LNX2: variants seen among roughly 807,000 people sequenced by gnomAD.
LNX2 encodes ligand of Numb protein X 2.
A neutral mutation model predicts 66.2 loss-of-function variants in LNX2; 35 were observed. The observed-to-expected ratio is 0.53, with a 90% CI of 0.40 to 0.70. The LOEUF is 0.70. Among genes scored for constraint, LNX2 ranks in the 30% least tolerant of loss-of-function variants. The probability of loss-of-function intolerance (pLI) is 0.00; values close to 1 mark genes in which losing one functional copy is unlikely to be tolerated. For synonymous variants in LNX2, 337 were observed against 315.6 expected (o/e 1.07, Z -0.72); for missense variants, 791 against 850.8 (o/e 0.93, Z 0.87).
intron 1 of LNX2, among the ~76,000 whole-genome samples, chr13:27,589,650 C>A (rs542995648): frequency 1.4e-4 from 22 of 152,014 alleles, no homozygotes; most frequent in Admixed American, 3.3e-4. Context: ...GTGATCAAGG[C>A]AAAAACCAAA....
At chr13:27,562,899 G>T in intron 4 of LNX2, 118 bp from the exon 5 acceptor site, 1 of 978,156 alleles carries the variant, frequency 1.0e-6, no homozygotes, top group Non-Finnish European at 1.5e-6. Flanking sequence ...AGTATGGTGA[G>T]AATGCTATAC....
In LNX2 at chr13:27,548,254, C is replaced by T. The variant is rs1954966061; in HGVS notation, c.*81G>A. ...CCAGCAGTGTCAGCAGCTCCTAAAC[C>T]ACAAACACAATGAAACCAAAGGGTT... On this transcript the variant is annotated 3_prime_UTR_variant, in exon 10 of 10. Coordinates refer to ENST00000316334, the MANE Select transcript of LNX2 (RefSeq NM_153371.4). The T allele has an allele frequency of 6.9e-7, 1 of 1,451,732 alleles. No individual in the cohort carries two copies. 89.9% of individuals were successfully genotyped at this position (1,451,732 alleles called of 1,614,324 possible). A position where few individuals can be genotyped will look rare whatever the true frequency, so the allele number is the denominator to read the frequency against.
intron 8 of LNX2, among the ~76,000 whole-genome samples, chr13:27,551,046 T>C (rs1955002244): frequency 6.6e-6 from 1 of 152,180 alleles, no homozygotes; most frequent in Non-Finnish European, 1.5e-5. Context: ...CTTAGGATGT[T>C]TTCATTTTAA....
At chr13:27,590,689 T>C (rs1955537981) in intron 1 of LNX2, among the ~76,000 whole-genome samples, 3 of 152,220 alleles carry the variant, frequency 2.0e-5, no homozygotes, top group East Asian at 3.9e-4. Context: ...CAGAAGAAAC[T>C]TGTCAGTCCT....
chr13:27,569,079 T>G lies in LNX2; in HGVS notation c.605A>C (p.Glu202Ala), dbSNP rs1166663306. ...GGCAGGGTTGTCAAGGCCAGGCTCC[T>G]CACTCCATGTGGAAAGAGACGCTGA... ...LTSASLSTWS[E>A]EPGLDNPAFE... Residue 202 changes from glutamate (E) to alanine (A), a missense_variant, in exon 3 of 10, where the codon GAG (glutamate) becomes GCG (alanine). Coordinates refer to ENST00000316334, the MANE Select transcript of LNX2 (RefSeq NM_153371.4). 2 of 1,613,856 alleles carry G rather than the reference T, an allele frequency of 1.2e-6. No individual in the cohort carries two copies. Among genetic ancestry groups the G allele is most frequent in the East Asian group, 2.2e-5 (1 of 44,866 alleles).
intron 1 of LNX2, among the ~76,000 whole-genome samples, chr13:27,584,843 C>A (rs1463437751): frequency 2.0e-5 from 3 of 152,150 alleles, no homozygotes; most frequent in Non-Finnish European, 4.4e-5. Flanking sequence ...CAAGGCTGGG[C>A]ACGGTGGCTC....
At chr13:27,596,086 G>C (rs565035744) in intron 1 of LNX2, among the ~76,000 whole-genome samples, 1 of 152,146 alleles carries the variant, frequency 6.6e-6, no homozygotes, top group Non-Finnish European at 1.5e-5. Context: ...ATACAGGCTT[G>C]AACTGCATGG....
At chr13:27,562,010 A>AT (rs1955141359) in intron 5 of LNX2, among the ~76,000 whole-genome samples, 2 of 152,236 alleles carry the variant, frequency 1.3e-5, no homozygotes, top group Non-Finnish European at 2.9e-5. Context: ...TCCTCTATTT[A>AT]TATAGATCCT....
intron 1 of LNX2, among the ~76,000 whole-genome samples, chr13:27,615,878 A>C (rs367701574): frequency 1.3e-5 from 2 of 152,158 alleles, no homozygotes; most frequent in Admixed American, 6.5e-5. Context: ...GATTTGGAGA[A>C]GTCTGTGAGC....
chr13:27,571,267 T>G (rs1014524398), intron 2 of LNX2, among the ~76,000 whole-genome samples: 2 of 152,016 alleles, frequency 1.3e-5, no homozygotes, highest in African/African-American at 4.8e-5. Context: ...AAGTGACCAA[T>G]AGTGCAAATG....
chr13:27,597,540 G>A (rs1955612336), intron 1 of LNX2, among the ~76,000 whole-genome samples: 1 of 152,106 alleles, frequency 6.6e-6, no homozygotes, highest in Non-Finnish European at 1.5e-5. Context: ...TCTGAGGGCT[G>A]GACTAGGTAC....
intron 1 of LNX2, among the ~76,000 whole-genome samples, chr13:27,583,204 G>GCCCTCTCCAATATAACTT (rs1955424973): frequency 6.0e-5 from 1 of 16,552 alleles, no homozygotes; most frequent in Non-Finnish European, 1.1e-4. Context: ...GTGTGTGTGT[G>GCCCTCTCCAATATAACTT]TGTGTGTGTG....
chr13:27,609,447 C>T (rs374879867), intron 1 of LNX2, among the ~76,000 whole-genome samples: 1 of 152,298 alleles, frequency 6.6e-6, no homozygotes, highest in Admixed American at 6.5e-5. Context: ...TGAGCCACTG[C>T]GCCTGGCCCA....
At chr13:27,560,125 G>T in intron 5 of LNX2, 140 bp from the exon 6 acceptor site, 2 of 580,036 alleles carry the variant, frequency 3.4e-6, no homozygotes, top group Non-Finnish European at 5.5e-6. Flanking sequence ...GCACCTGGTG[G>T]CAAGAGGAAT....
intron 1 of LNX2, among the ~76,000 whole-genome samples, chr13:27,609,148 ATT>A (rs34922531): frequency 1.8e-5 from 1 of 56,482 alleles, no homozygotes; most frequent in East Asian, 1.5e-3. Context: ...ACCAACAGTG[ATT>A]TTTTTTTTCT....
chr13:27,583,194 G>A (rs1421039696), intron 1 of LNX2, among the ~76,000 whole-genome samples: 138 of 10,404 alleles, frequency 0.013, 7 homozygotes, highest in Middle Eastern at 0.038. Context: ...GTGTGTGTGT[G>A]TGTGTGTGTG....
At position 27,583,228 on chromosome 13, in the gene LNX2, G is replaced by C. The variant is rs1566124769; in HGVS notation, c.-100-1425C>G. ...TGTGTGTGTGTGTGTGTGTGTGTGT[G>C]TGTGTGTGTGTGTGTGTGTGTGTGT... On this transcript the variant is annotated intron_variant, in intron 1 of 9. Transcript: ENST00000316334. Among the ~76,000 whole-genome samples the C allele has an allele frequency of 9.0e-4, 25 of 27,832 alleles. 8 individuals are homozygous for C. The highest frequency in any genetic ancestry group is 5.3e-3 in the African/African-American group (24 of 4,488). 18.3% of individuals were successfully genotyped at this position (27,832 alleles called of 152,430 possible).
Position 27,581,610 on chromosome 13 carries a change from T to A in LNX2, c.94A>T (p.Thr32Ser). The change falls in exon 2 of 10, where the codon ACA becomes TCA. Residue 32 changes from threonine (T) to serine (S), a missense_variant. Physicochemically the swap from Thr to Ser is moderately conservative, Grantham distance 58. Coordinates refer to ENST00000316334, the MANE Select transcript of LNX2 (RefSeq NM_153371.4). ...TAATTGTACAAATGGTTTTCTCTTGTCCAGTGCTGTTGGCCACATTCAAAA... is the reference window on the plus strand; with the variant it reads ...TAATTGTACAAATGGTTTTCTCTTGACCAGTGCTGTTGGCCACATTCAAAA... Reference protein sequence around the residue: ...LCFECGQQHWTRENHLYNYQN... With the variant: ...LCFECGQQHWSRENHLYNYQN... 2 of 1,614,140 alleles carry A rather than the reference T, an allele frequency of 1.2e-6. No homozygotes were observed. Among genetic ancestry groups the A allele is most frequent in the South Asian group, 2.2e-5 (2 of 91,076 alleles).
intron 2 of LNX2, among the ~76,000 whole-genome samples, chr13:27,572,976 G>A (rs1476029066): frequency 6.6e-6 from 1 of 152,160 alleles, no homozygotes; most frequent in Non-Finnish European, 1.5e-5. Flanking sequence ...TATCTGAAAA[G>A]TCTCTCCTCC....
Sources: gnomAD v4.1 joint callset for allele counts (sites outside exome capture counted in the v4.1 genomes callset) on GRCh38, gnomAD v4.1.1 for gene constraint, MANE v1.5 for transcripts, NCBI Gene and HGNC (gene_info 2026-07-23, HGNC 2026-07-21) for gene names.